TEX11: variants seen among roughly 807,000 people sequenced by gnomAD.
TEX11 encodes testis-expressed protein 11.
A neutral mutation model predicts 84.4 loss-of-function variants in TEX11; 7 were observed. That is an observed-to-expected ratio of 0.08 (90% CI 0.05 to 0.16). The LOEUF is 0.16. Among genes scored for constraint, TEX11 ranks in the 10% least tolerant of loss-of-function variants. The pLI is 1.00. For synonymous variants in TEX11, 264 were observed against 222.8 expected, an observed-to-expected ratio of 1.18 and a Z score of -1.64; for missense variants, 551 against 660.5, an observed-to-expected ratio of 0.83 and a Z score of 1.82.
intron 21 of TEX11, among the ~76,000 whole-genome samples, chrX:70,609,816 A>G (rs777453114): frequency 1.8e-5 from 2 of 111,393 alleles, no homozygotes; most frequent in South Asian, 7.7e-4. Flanking sequence ...GTACATGGAC[A>G]GTAAAAATGG....
At chrX:70,826,229 T>C (rs762554155) in intron 8 of TEX11, among the ~76,000 whole-genome samples, 2 of 108,032 alleles carry the variant, frequency 1.9e-5, no homozygotes, top group African/African-American at 3.4e-5. Flanking sequence ...GAGGATCGTT[T>C]GAACCCGGGA....
intron 3 of TEX11, among the ~76,000 whole-genome samples, chrX:70,878,418 G>A (rs775113084): frequency 8.2e-5 from 9 of 109,899 alleles, no homozygotes; most frequent in South Asian, 3.9e-4. Context: ...TGATCTGCCC[G>A]CCTCGGCGTC....
At chrX:70,740,611 G>T in intron 11 of TEX11, 90 bp downstream of exon 11, 1 of 562,357 alleles carries the variant, frequency 1.8e-6, no homozygotes, top group Non-Finnish European at 2.8e-6. Flanking sequence ...GAGAGTAAAT[G>T]CTGAAGCAAA....
At chrX:70,608,740 C>CA (rs61517512) in intron 22 of TEX11, among the ~76,000 whole-genome samples, 3,088 of 66,855 alleles carry the variant, frequency 0.046, 179 homozygotes, top group African/African-American at 0.15. Flanking sequence ...GACTCCATCT[C>CA]AAAAAAAAAA....
At chrX:70,755,336 T>C (rs991022054) in intron 9 of TEX11, among the ~76,000 whole-genome samples, 2 of 112,149 alleles carry the variant, frequency 1.8e-5, no homozygotes, top group Non-Finnish European at 3.8e-5. Context: ...ATTCTGGAGC[T>C]GTGCAGAAAT....
chrX:70,722,552 G>A, intron 13 of TEX11, 66 bp downstream of exon 13: 1 of 899,569 alleles, frequency 1.1e-6, no homozygotes, highest in Admixed American at 2.3e-5. Context: ...TGGGATTCTA[G>A]GTGTGAGCCA....
intron 8 of TEX11, among the ~76,000 whole-genome samples, chrX:70,811,203 G>A (rs1490618387): frequency 6.1e-5 from 6 of 98,542 alleles, no homozygotes; most frequent in African/African-American, 1.1e-4. Flanking sequence ...AGGCCCCAGC[G>A]TCTGATGTTC....
intron 28 of TEX11, among the ~76,000 whole-genome samples, chrX:70,547,176 G>C (rs760504159): frequency 9.1e-6 from 1 of 110,373 alleles, no homozygotes; most frequent in Admixed American, 9.8e-5. Flanking sequence ...TCCAGAAAGA[G>C]AAAATCTACA....
intron 14 of TEX11, among the ~76,000 whole-genome samples, chrX:70,680,572 GATCA>G (rs2090139208): frequency 3.4e-5 from 1 of 29,368 alleles, no homozygotes; most frequent in South Asian, 1.7e-3. Context: ...ACCCAAGAAT[GATCA>G]ATTAAAAAAA....
rs1556177643 is a variant in TEX11 at position 70,853,236 on chromosome X, A to G, written c.405+12T>C. On this transcript the variant is annotated intron_variant, in intron 6 of 29. Transcript: ENST00000374333. The stretch of plus-strand genomic sequence containing the variant: ...TAATAATTGCCTCAGCTAAAAGTCA[A>G]TGGTAACTTACGGCCACAGCAGCTT... The G allele has an allele frequency of 8.3e-7, 1 of 1,208,910 alleles. No homozygotes were observed. Among genetic ancestry groups the G allele is most frequent in the East Asian group, 3.0e-5 (1 of 33,859 alleles).
chrX:70,602,573 T>C (rs1276594422), intron 24 of TEX11, among the ~76,000 whole-genome samples: 1 of 107,217 alleles, frequency 9.3e-6, no homozygotes, highest in African/African-American at 3.4e-5. Flanking sequence ...GAGCTATCTA[T>C]GACAAACCCA....
At chrX:70,615,659 G>T (rs2089309727) in intron 20 of TEX11, among the ~76,000 whole-genome samples, 2 of 111,622 alleles carry the variant, frequency 1.8e-5, no homozygotes, top group Non-Finnish European at 3.8e-5. Context: ...TCTAGAGAAA[G>T]ATATCAATAT....
intron 2 of TEX11, among the ~76,000 whole-genome samples, chrX:70,891,673 AG>A (rs2091738869): frequency 9.0e-6 from 1 of 111,287 alleles, no homozygotes; most frequent in Non-Finnish European, 1.9e-5. Flanking sequence ...CAAGAAAAAA[AG>A]GTTAGAGAAA....
intron 4 of TEX11, among the ~76,000 whole-genome samples, chrX:70,868,558 C>G (rs1333609704): frequency 9.0e-6 from 1 of 111,588 alleles, no homozygotes; most frequent in African/African-American, 3.3e-5. Flanking sequence ...AATCATTCTT[C>G]TATAAAGACA....
chrX:70,511,742 GAC>G, the TEX11 span, among the ~76,000 whole-genome samples: 1 of 64,671 alleles, frequency 1.5e-5, no homozygotes, highest in Non-Finnish European at 2.9e-5. Flanking sequence ...GACAGACTGA[GAC>G]TCCATCTCAA....
intron 2 of TEX11, among the ~76,000 whole-genome samples, chrX:70,882,645 G>T (rs761849394): frequency 1.6e-4 from 18 of 110,633 alleles, no homozygotes; most frequent in Non-Finnish European, 2.3e-4. Flanking sequence ...TCTGGGTGTG[G>T]TGGCTCACAC....
At chrX:70,798,926 T>C (rs1271438158) in intron 9 of TEX11, among the ~76,000 whole-genome samples, 11 of 111,174 alleles carry the variant, frequency 9.9e-5, no homozygotes, top group African/African-American at 2.9e-4. Flanking sequence ...TGATATTGTA[T>C]GGGAAATTAT....
In TEX11 at chrX:70,570,159, A is replaced by T. The variant is rs762716206; in HGVS notation, c.2141-15359T>A. On this transcript the variant is annotated intron_variant, in intron 25 of 29. Coordinates refer to ENST00000374333, the MANE Select transcript of TEX11 (RefSeq NM_031276.3). Reference sequence around the variant, plus strand: ...CTGCCGCCTTGCAGTTTGATCTCAGACTGCTGTGCTATCAATCAGTGAGAC... The same window carrying T: ...CTGCCGCCTTGCAGTTTGATCTCAGTCTGCTGTGCTATCAATCAGTGAGAC... Among the ~76,000 whole-genome samples the T allele has an allele frequency of 9.9e-5, 11 of 111,391 alleles. No individual in the cohort carries two copies. In the East Asian group the frequency reaches 3.1e-3, roughly 32 times the overall value.
chrX:70,801,625 TTTTCTTTCTTTCTTTCTTTCTTTC>T (rs200925505), intron 9 of TEX11, among the ~76,000 whole-genome samples: 30,077 of 88,582 alleles, frequency 0.34, 4,219 homozygotes, highest in East Asian at 0.51. Flanking sequence ...TTTTCTTTTA[TTTTCTTTCTTTCTTTCTTTCTTTC>T]TTTCTTTCTT....
Sources: allele counts gnomAD v4.1 joint callset (sites outside exome capture counted in the v4.1 genomes callset), GRCh38; gene constraint gnomAD v4.1.1; transcripts MANE v1.5; gene names NCBI Gene and HGNC (gene_info 2026-07-23, HGNC 2026-07-21).